Variants in SNTG1 observed in about 807,000 individuals in gnomAD.
SNTG1 encodes the protein gamma-1-syntrophin.
A neutral mutation model predicts 74.7 loss-of-function variants in SNTG1; 39 were observed. The ratio of observed to expected loss-of-function variants is 0.52; its 90% CI spans 0.40 to 0.68. The LOEUF (loss-of-function observed/expected upper bound fraction) is 0.68, where lower values mean the gene tolerates loss of function less well. Among genes scored for constraint, SNTG1 ranks in the 30% least tolerant of loss-of-function variants. SNTG1 has a pLI of 0.00. For synonymous variants in SNTG1, 254 were observed against 217.1 expected (o/e 1.17, Z -1.49); for missense variants, 685 against 609.5 (o/e 1.12, Z -1.30).
chr8:50,107,186 A>C (rs2080404942), intron 1 of SNTG1, among the ~76,000 whole-genome samples: 1 of 152,202 alleles, frequency 6.6e-6, no homozygotes, highest in Admixed American at 6.6e-5. Flanking sequence ...TTCATCTTCT[A>C]AATATCTTTA....
intron 13 of SNTG1, chr8:50,644,533 T>C (rs1006480042): frequency 1.3e-5 from 2 of 152,214 alleles, no homozygotes; most frequent in African/African-American, 4.8e-5. Context: ...ACAGTATATA[T>C]TACATATAAC....
intron 13 of SNTG1, among the ~76,000 whole-genome samples, chr8:50,604,246 A>G (rs1213528186): frequency 6.6e-6 from 1 of 152,068 alleles, no homozygotes; most frequent in Admixed American, 6.5e-5. Flanking sequence ...GATGAAACTC[A>G]TCTGTACTTA....
chr8:50,718,695 G>A (rs1429699484), intron 17 of SNTG1, among the ~76,000 whole-genome samples: 1 of 152,128 alleles, frequency 6.6e-6, no homozygotes, highest in South Asian at 2.1e-4. Flanking sequence ...TGTGGTTGAG[G>A]CCACTATCAA....
chr8:50,345,379 G>T (rs544588438), intron 2 of SNTG1, among the ~76,000 whole-genome samples: 4 of 152,234 alleles, frequency 2.6e-5, no homozygotes, highest in African/African-American at 9.6e-5. Context: ...TGGTCCACCT[G>T]CTTCCTGGCT....
chr8:50,209,170 G>C (rs986903485), intron 2 of SNTG1, among the ~76,000 whole-genome samples: 20 of 152,140 alleles, frequency 1.3e-4, no homozygotes, highest in African/African-American at 4.8e-4. Flanking sequence ...AGTGAGGCTG[G>C]GGGAGGGGTG....
chr8:50,430,799 C>T (rs1370356357), intron 4 of SNTG1, among the ~76,000 whole-genome samples: 2 of 152,162 alleles, frequency 1.3e-5, no homozygotes, highest in Non-Finnish European at 2.9e-5. Context: ...ATGACATGTT[C>T]TTACAACAGA....
chr8:50,708,915 T>A lies in SNTG1; in HGVS notation c.1221T>A (p.Ser407Arg). ...QCKTYACVLE[S>R]HLMGLTIDFS... ...AGACCTATGCATGTGTGCTAGAAAG[T>A]CATCTAATGGGACTCACAATTGATT... Residue 407 changes from serine to arginine, a missense_variant, in exon 17 of 19, where the codon AGT becomes AGA. Coordinates refer to ENST00000642720, the MANE Select transcript of SNTG1 (RefSeq NM_018967.5). 1 of 1,613,816 alleles carries A rather than the reference T, an allele frequency of 6.2e-7. No individual in the cohort carries two copies. The highest frequency in any genetic ancestry group is 2.2e-5 in the East Asian group (1 of 44,842).
At chr8:50,449,971 G>A (rs2093440935) in intron 6 of SNTG1, among the ~76,000 whole-genome samples, 1 of 152,014 alleles carries the variant, frequency 6.6e-6, no homozygotes, top group South Asian at 2.1e-4. Context: ...TATGAGTTAG[G>A]GACTACACAG....
At chr8:50,505,961 T>A (rs2129789124) in intron 9 of SNTG1, among the ~76,000 whole-genome samples, 1 of 152,222 alleles carries the variant, frequency 6.6e-6, no homozygotes, top group African/African-American at 2.4e-5. Flanking sequence ...CTAATTTTTC[T>A]GCTAGGATTT....
chr8:49,994,846 C>T (rs1461785270), intron 1 of SNTG1, among the ~76,000 whole-genome samples: 2 of 152,062 alleles, frequency 1.3e-5, no homozygotes, highest in South Asian at 2.1e-4. Context: ...AAGATAATGG[C>T]TACTTTTTCA....
chr8:50,567,735 T>C (rs1310180116), intron 12 of SNTG1, among the ~76,000 whole-genome samples: 1 of 152,156 alleles, frequency 6.6e-6, no homozygotes, highest in African/African-American at 2.4e-5. Flanking sequence ...CTCATTACAA[T>C]TGTACATTTT....
intron 9 of SNTG1, among the ~76,000 whole-genome samples, chr8:50,520,856 T>C (rs541716463): frequency 2.0e-5 from 3 of 152,160 alleles, no homozygotes; most frequent in African/African-American, 7.2e-5. Context: ...TTGTGAAAGA[T>C]AGGGTGGCAA....
chr8:50,631,096 C>G (rs2094994284), intron 13 of SNTG1, among the ~76,000 whole-genome samples: 1 of 152,196 alleles, frequency 6.6e-6, no homozygotes, highest in East Asian at 1.9e-4. Context: ...GTGTTGTTAT[C>G]TTTTCTGCTC....
At chr8:50,237,804 T>C (rs1349218692) in intron 2 of SNTG1, among the ~76,000 whole-genome samples, 1 of 152,114 alleles carries the variant, frequency 6.6e-6, no homozygotes, top group Non-Finnish European at 1.5e-5. Flanking sequence ...AAGGTAGTGT[T>C]TTGTCTTCTT....
intron 13 of SNTG1, among the ~76,000 whole-genome samples, chr8:50,620,613 C>T (rs1054583514): frequency 2.0e-5 from 3 of 152,158 alleles, no homozygotes; most frequent in Admixed American, 6.5e-5. Flanking sequence ...TTTTTCTGCA[C>T]TTCCACGTTA....
At position 50,561,458 on chromosome 8, in the gene SNTG1, A is replaced by G. The variant is rs139814020; in HGVS notation, c.810+8279A>G. 7.2e-3 allele frequency among the ~76,000 whole-genome samples: 1,092 copies of G among 152,348 alleles called. 3 individuals carry two copies. Among genetic ancestry groups the G allele is most frequent in the South Asian group, 0.013 (63 of 4,830 alleles). Reference sequence around the variant, plus strand: ...GAAAAAATACAGTGCAAACCATAAAAGAAAGGTTTGTAGCTTTGTTAATAC... The same window carrying G: ...GAAAAAATACAGTGCAAACCATAAAGGAAAGGTTTGTAGCTTTGTTAATAC... On this transcript the variant is annotated intron_variant, in intron 12 of 18. Transcript: ENST00000642720.
intron 2 of SNTG1, among the ~76,000 whole-genome samples, chr8:50,304,314 G>A (rs1241532014): frequency 6.6e-6 from 1 of 152,158 alleles, no homozygotes; most frequent in Non-Finnish European, 1.5e-5. Context: ...AGCCTCCAGA[G>A]CTGTGAGCCA....
intron 2 of SNTG1, among the ~76,000 whole-genome samples, chr8:50,184,621 T>C (rs1327824295): frequency 6.6e-6 from 1 of 152,186 alleles, no homozygotes; most frequent in Non-Finnish European, 1.5e-5. Context: ...TTGAAACTAT[T>C]ACAAATAGGT....
intron 1 of SNTG1, among the ~76,000 whole-genome samples, chr8:50,090,775 C>T (rs1358209401): frequency 6.6e-6 from 1 of 152,064 alleles, no homozygotes; most frequent in Non-Finnish European, 1.5e-5. Context: ...GCCATTATAT[C>T]TCTGCACATG....
Sources: gnomAD v4.1 joint callset for allele counts (sites outside exome capture counted in the v4.1 genomes callset) on GRCh38, gnomAD v4.1.1 for gene constraint, MANE v1.5 for transcripts, NCBI Gene and HGNC (gene_info 2026-07-23, HGNC 2026-07-21) for gene names.